The following ADGRL3 variants were observed in gnomAD, a reference collection of about 807,000 sequenced individuals.
ADGRL3 encodes calcium-independent alpha-latrotoxin receptor 3.
In ADGRL3, 62 loss-of-function variants were observed where a neutral mutation model predicts 153.5. The observed-to-expected ratio is 0.40, with a 90% CI of 0.33 to 0.50. ADGRL3 has a LOEUF of 0.50. Ranked by LOEUF, ADGRL3 falls within the 20% of genes least tolerant of loss-of-function variation. ADGRL3 has a pLI of 0.47. For synonymous variants in ADGRL3, 710 were observed against 672.5 expected (o/e 1.06, Z -0.86); for missense variants, 1,641 against 1,859.4 (o/e 0.88, Z 2.16).
At chr4:61,497,726 G>A (rs1465758540) in intron 3 of ADGRL3, among the ~76,000 whole-genome samples, 1 of 148,930 alleles carries the variant, frequency 6.7e-6, no homozygotes, top group Non-Finnish European at 1.5e-5. Flanking sequence ...GGGTTTCACA[G>A]TGTTAGCCAG....
At chr4:61,372,778 C>T (rs2096551877) in intron 1 of ADGRL3, among the ~76,000 whole-genome samples, 1 of 152,172 alleles carries the variant, frequency 6.6e-6, no homozygotes, top group South Asian at 2.1e-4. Context: ...TTCCCGGCTG[C>T]TTTGTTTACC....
At chr4:61,371,106 T>C (rs1479064306) in intron 1 of ADGRL3, among the ~76,000 whole-genome samples, 1 of 150,260 alleles carries the variant, frequency 6.7e-6, no homozygotes, top group Non-Finnish European at 1.5e-5. Context: ...CATCCTTTTA[T>C]TTTGAGCCTA....
intron 8 of ADGRL3, among the ~76,000 whole-genome samples, chr4:61,803,894 T>C (rs2097527131): frequency 6.6e-6 from 1 of 152,136 alleles, no homozygotes; most frequent in Non-Finnish European, 1.5e-5. Flanking sequence ...TAATAATGCT[T>C]CCTATTCTTT....
chr4:61,335,507 C>T (rs150124560), intron 1 of ADGRL3, among the ~76,000 whole-genome samples: 3 of 152,256 alleles, frequency 2.0e-5, no homozygotes, highest in Admixed American at 2.0e-4. Flanking sequence ...TCCTGTTATA[C>T]AGTTTATCCA....
chr4:61,972,825 G>C (rs1199121960), intron 17 of ADGRL3, among the ~76,000 whole-genome samples: 1 of 151,906 alleles, frequency 6.6e-6, no homozygotes, highest in East Asian at 1.9e-4. Context: ...GTATCGAAGA[G>C]GCAATTTTAA....
intron 8 of ADGRL3, among the ~76,000 whole-genome samples, chr4:61,757,909 GT>G (rs1236274843): frequency 1.3e-5 from 2 of 152,188 alleles, no homozygotes; most frequent in African/African-American, 4.8e-5. Flanking sequence ...AGGTTGCTCA[GT>G]TTCCATGTAG....
At chr4:61,326,990 C>T (rs1435920490) in intron 1 of ADGRL3, among the ~76,000 whole-genome samples, 5 of 151,826 alleles carry the variant, frequency 3.3e-5, no homozygotes, top group Non-Finnish European at 7.4e-5. Context: ...GTTATACAAG[C>T]ACCAAACCTA....
chr4:61,326,268 A>C (rs1056949462), intron 1 of ADGRL3, among the ~76,000 whole-genome samples: 1 of 152,140 alleles, frequency 6.6e-6, no homozygotes, highest in African/African-American at 2.4e-5. Flanking sequence ...TTTTTCCTCT[A>C]GGACCTAAAT....
At chr4:61,549,947 C>T (rs560700138) in intron 4 of ADGRL3, among the ~76,000 whole-genome samples, 1 of 151,966 alleles carries the variant, frequency 6.6e-6, no homozygotes, top group South Asian at 2.1e-4. Context: ...TGGCTCTTTC[C>T]TCTGTTTTTA....
intron 1 of ADGRL3, among the ~76,000 whole-genome samples, chr4:61,218,290 T>A: frequency 6.7e-6 from 1 of 148,540 alleles, no homozygotes; most frequent in Non-Finnish European, 1.5e-5. Flanking sequence ...TTTCATTCAT[T>A]TATCAAGAAA....
chr4:61,483,606 G>T (rs1026348028), intron 2 of ADGRL3, among the ~76,000 whole-genome samples: 2 of 151,766 alleles, frequency 1.3e-5, no homozygotes, highest in Admixed American at 6.6e-5. Context: ...GCATGGTGGC[G>T]CATGCCTGTA....
In ADGRL3 at chr4:61,761,550, T is replaced by C. The variant is rs74371761; in HGVS notation, c.1399+27996T>C. 3.7e-3 allele frequency among the ~76,000 whole-genome samples: 560 copies of C among 152,234 alleles called. 3 individuals are homozygous for C. Among genetic ancestry groups the C allele is most frequent in the African/African-American group, 0.013 (528 of 41,550 alleles). ...GGCTCATGCCCTTAGCCCCAGCACT[T>C]TAGGAGACTGACACAGGAGGATTGC... On this transcript the variant is annotated intron_variant, in intron 8 of 26. Transcript: ENST00000683033.
chr4:61,288,688 G>C (rs2150112104), intron 1 of ADGRL3, among the ~76,000 whole-genome samples: 1 of 152,080 alleles, frequency 6.6e-6, no homozygotes, highest in African/African-American at 2.4e-5. Flanking sequence ...TTTGAGAATA[G>C]TTGTATGGCC....
chr4:61,804,990 C>G (rs1315208391), intron 8 of ADGRL3, among the ~76,000 whole-genome samples: 4 of 148,272 alleles, frequency 2.7e-5, no homozygotes, highest in African/African-American at 1.0e-4. Context: ...GAGTCTCATT[C>G]TGTCGCCCAG....
chr4:62,074,231 C>T lies in ADGRL3; in HGVS notation c.*3323C>T, dbSNP rs1376198001. 1 of 151,818 alleles carries T rather than the reference C, an allele frequency of 6.6e-6. No individual in the cohort carries two copies. Among genetic ancestry groups the T allele is most frequent in the Admixed American group, 6.6e-5 (1 of 15,222 alleles). The allele number at this position is 151,818 out of a possible 1,614,324, so 9.4% of individuals were successfully genotyped here. ...TTTCCGTCAAACAGATGTAGTATAC[C>T]GCTATAATACAGCTTATTTAGCCAG... is the stretch of plus-strand genomic sequence containing the variant. On this transcript the variant is annotated 3_prime_UTR_variant, in exon 27 of 27. Coordinates refer to ENST00000683033, the MANE Select transcript of ADGRL3 (RefSeq NM_001387552.1).
chr4:61,885,197 C>T (rs1425076032), intron 9 of ADGRL3, among the ~76,000 whole-genome samples: 1 of 151,848 alleles, frequency 6.6e-6, no homozygotes, highest in Non-Finnish European at 1.5e-5. Flanking sequence ...AATCGCTTGG[C>T]GCGCGCCTGT....
At chr4:61,786,681 A>T (rs376840666) in intron 8 of ADGRL3, among the ~76,000 whole-genome samples, 3 of 152,306 alleles carry the variant, frequency 2.0e-5, no homozygotes, top group South Asian at 2.1e-4. Flanking sequence ...AATGTGTTAA[A>T]AAATTGTAGC....
rs925249673 is a variant in ADGRL3, at chr4:61,313,783, T to A, written c.-239-69341T>A. ...AATAAAAAGAAGTACGGTGGTTTTT[T>A]ACAAAATGATTTTAGTTCCGGGTCT... On this transcript the variant is annotated intron_variant, in intron 1 of 26. Coordinates refer to ENST00000683033, the MANE Select transcript of ADGRL3 (RefSeq NM_001387552.1). 2.0e-5 allele frequency among the ~76,000 whole-genome samples: 3 copies of A among 152,198 alleles called. No individual in the cohort carries two copies. In the South Asian group the frequency reaches 6.2e-4, roughly 32 times the overall value.
At chr4:61,469,368 G>A (rs1229947960) in intron 2 of ADGRL3, among the ~76,000 whole-genome samples, 1 of 152,068 alleles carries the variant, frequency 6.6e-6, no homozygotes, top group Non-Finnish European at 1.5e-5. Flanking sequence ...AGTGTTTTGA[G>A]CAAGGACAAG....
Sources: gnomAD v4.1 joint callset for allele counts (sites outside exome capture counted in the v4.1 genomes callset) on GRCh38, gnomAD v4.1.1 for gene constraint, MANE v1.5 for transcripts, NCBI Gene and HGNC (gene_info 2026-07-23, HGNC 2026-07-21) for gene names.